Variants in RASGRP1 observed in about 807,000 individuals in gnomAD.
RASGRP1 encodes the protein RAS guanyl releasing protein 1.
A neutral mutation model predicts 95.1 loss-of-function variants in RASGRP1; 37 were observed. The ratio of observed to expected loss-of-function variants is 0.39; its 90% CI spans 0.30 to 0.51. The LOEUF (loss-of-function observed/expected upper bound fraction) is 0.51. RASGRP1 is among the 20% of genes least tolerant of loss of function. RASGRP1 has a pLI of 0.80. For synonymous variants in RASGRP1, 325 were observed against 353.4 expected (o/e 0.92, Z 0.90); for missense variants, 711 against 965.4 (o/e 0.74, Z 3.49).
In RASGRP1 at chr15:38,494,697, C is replaced by T; in HGVS notation, c.1944G>A (p.Arg648=). The T allele has an allele frequency of 1.3e-6, 2 of 1,527,264 alleles. No homozygotes were observed. Among genetic ancestry groups the T allele is most frequent in the African/African-American group, 1.4e-5 (1 of 71,906 alleles). The allele number at this position is 1,527,264 out of a possible 1,614,324, so 94.6% of individuals were successfully genotyped here. A position where few individuals can be genotyped will look rare whatever the true frequency, so the allele number is the denominator to read the frequency against. The change falls in exon 16 of 17, where the codon CGG becomes CGA. Residue 648 remains arginine (R), a synonymous_variant. Transcript: ENST00000310803. The part of the protein sequence containing the change: ...AVEHGEESKD[R]TIMLMGVSSQ... Reference sequence around the variant, plus strand: ...AGGACACTCCCATCAGCATGATGGTCCGATCCTTACTCTCCTCACCATGTT... The same window carrying T: ...AGGACACTCCCATCAGCATGATGGTTCGATCCTTACTCTCCTCACCATGTT...
intron 2 of RASGRP1, among the ~76,000 whole-genome samples, chr15:38,550,801 A>G (rs1467790859): frequency 6.6e-6 from 1 of 152,174 alleles, no homozygotes; most frequent in African/African-American, 2.4e-5. Context: ...ATGAAAGTTG[A>G]TAGTGCTTAT....
Position 38,519,301 on chromosome 15 carries a change from A to G in RASGRP1, c.389+8T>C, listed in dbSNP as rs375455735. 8 of 1,520,668 alleles carry G rather than the reference A, an allele frequency of 5.3e-6. No homozygotes were observed. The highest frequency in any genetic ancestry group is 6.4e-6 in the Non-Finnish European group (7 of 1,097,088). 94.2% of individuals were successfully genotyped at this position (1,520,668 alleles called of 1,614,324 possible). A position where few individuals can be genotyped will look rare whatever the true frequency, so the allele number is the denominator to read the frequency against. ...CACAAAGTCTTGAAATACATAAAGA[A>G]ACATTACCTTACAAAATAACAGATC... On this transcript the variant is annotated splice_region_variant and intron_variant, in intron 4 of 16. Coordinates refer to ENST00000310803, the MANE Select transcript of RASGRP1 (RefSeq NM_005739.4).
chr15:38,505,950 G>A, intron 9 of RASGRP1, 30 bp from the exon 10 acceptor site: 3 of 1,534,286 alleles, frequency 2.0e-6, no homozygotes, highest in Non-Finnish European at 2.7e-6. Context: ...AGGGTTCATT[G>A]CTAAGATGCT....
intron 2 of RASGRP1, among the ~76,000 whole-genome samples, chr15:38,547,020 C>T (rs1211661874): frequency 6.6e-6 from 1 of 152,118 alleles, no homozygotes; most frequent in Non-Finnish European, 1.5e-5. Flanking sequence ...TGTGTCTAAC[C>T]AAAAACACAG....
intron 10 of RASGRP1, 128 bp from the exon 11 acceptor site, chr15:38,503,504 C>G (rs1444438448): frequency 1.3e-6 from 1 of 769,880 alleles, no homozygotes; most frequent in African/African-American, 1.8e-5. Context: ...TGGCAAGGAG[C>G]AGAGAACCCA....
In RASGRP1 at chr15:38,512,777, A is replaced by G. The variant is rs759471478; in HGVS notation, c.849+6T>C. 11 of 1,613,478 alleles carry G rather than the reference A, an allele frequency of 6.8e-6. No individual in the cohort carries two copies. Among genetic ancestry groups the G allele is most frequent in the Non-Finnish European group, 7.6e-6 (9 of 1,179,666 alleles). On this transcript the variant is annotated splice_donor_region_variant and intron_variant, in intron 7 of 16. Transcript: ENST00000310803. The stretch of plus-strand genomic sequence containing the variant: ...CCAAGCCAAATGTCTTAAACCAGTT[A>G]TTCACCTGAGCCACCTGGATGAACT...
chr15:38,556,985 C>T (rs1342409860), intron 2 of RASGRP1, among the ~76,000 whole-genome samples: 2 of 152,062 alleles, frequency 1.3e-5, no homozygotes, highest in Non-Finnish European at 2.9e-5. Context: ...TACAGTTTTT[C>T]GTGGGTTTAA....
At chr15:38,495,035 A>G (rs1890742641) in intron 15 of RASGRP1, among the ~76,000 whole-genome samples, 1 of 152,124 alleles carries the variant, frequency 6.6e-6, no homozygotes, top group Admixed American at 6.6e-5. Context: ...CTGTTTTTGG[A>G]GGTAAGTTGA....
chr15:38,556,064 T>C (rs776617864), intron 2 of RASGRP1, among the ~76,000 whole-genome samples: 4 of 152,200 alleles, frequency 2.6e-5, no homozygotes, highest in Middle Eastern at 3.2e-3. Context: ...CTCATAGGTC[T>C]TTTCTACCTC....
At chr15:38,546,237 G>C (rs1278819596) in intron 2 of RASGRP1, among the ~76,000 whole-genome samples, 1 of 150,908 alleles carries the variant, frequency 6.6e-6, no homozygotes, top group Non-Finnish European at 1.5e-5. Flanking sequence ...ATTTATTTTT[G>C]AGATGGAGTC....
chr15:38,548,244 G>A (rs1211703346), intron 2 of RASGRP1, among the ~76,000 whole-genome samples: 1 of 152,066 alleles, frequency 6.6e-6, no homozygotes, highest in Non-Finnish European at 1.5e-5. Flanking sequence ...ATTTGTCCTA[G>A]GTTTGAGGAC....
intron 1 of RASGRP1, among the ~76,000 whole-genome samples, chr15:38,562,720 T>C (rs1160535197): frequency 6.6e-6 from 1 of 152,164 alleles, no homozygotes; most frequent in Non-Finnish European, 1.5e-5. Flanking sequence ...CTCTTCCTGC[T>C]AGGGGTGGAG....
chr15:38,555,861 T>C (rs372674074), intron 2 of RASGRP1, among the ~76,000 whole-genome samples: 1 of 151,746 alleles, frequency 6.6e-6, no homozygotes. Flanking sequence ...TGGGGTGGAG[T>C]TGTGTATGTG....
At chr15:38,502,561 T>C (rs1891077380) in intron 11 of RASGRP1, 140 bp from the exon 12 acceptor site, 1 of 610,192 alleles carries the variant, frequency 1.6e-6, no homozygotes, top group East Asian at 2.8e-5. Flanking sequence ...CCTGCTCCTT[T>C]AGCTGTGGCA....
chr15:38,504,651 C>T (rs1366959987), intron 10 of RASGRP1: 1 of 152,120 alleles, frequency 6.6e-6, no homozygotes, highest in Admixed American at 6.5e-5. Flanking sequence ...AGAAGGAATG[C>T]ACTCTAAAAT....
At chr15:38,544,380 G>A (rs1280421130) in intron 2 of RASGRP1, among the ~76,000 whole-genome samples, 1 of 152,140 alleles carries the variant, frequency 6.6e-6, no homozygotes, top group African/African-American at 2.4e-5. Context: ...AACACAAACT[G>A]TTCTCTCTGT....
At chr15:38,524,975 T>C (rs1377984921) in intron 3 of RASGRP1, among the ~76,000 whole-genome samples, 2 of 151,194 alleles carry the variant, frequency 1.3e-5, no homozygotes, top group South Asian at 2.1e-4. Flanking sequence ...TCTTTCTTTT[T>C]TTTTTTTTTT....
chr15:38,542,963 A>C (rs1401389848), intron 2 of RASGRP1, among the ~76,000 whole-genome samples: 1 of 148,162 alleles, frequency 6.7e-6, no homozygotes, highest in Non-Finnish European at 1.5e-5. Flanking sequence ...ACACATACAT[A>C]TATATATTCC....
At chr15:38,509,034 C>T (rs529417577) in intron 8 of RASGRP1, among the ~76,000 whole-genome samples, 1 of 152,156 alleles carries the variant, frequency 6.6e-6, no homozygotes, top group South Asian at 2.1e-4. Context: ...CCATTCCCAT[C>T]ATGCACTGTG....
Sources: allele counts gnomAD v4.1 joint callset (sites outside exome capture counted in the v4.1 genomes callset), GRCh38; gene constraint gnomAD v4.1.1; transcripts MANE v1.5; gene names NCBI Gene and HGNC (gene_info 2026-07-23, HGNC 2026-07-21).